The following YAP1 variants were observed in gnomAD, a reference collection of about 807,000 sequenced individuals.
The protein encoded by YAP1 is Yes1 associated transcriptional regulator.
In YAP1, 5 loss-of-function variants were observed where a neutral mutation model predicts 56.9. The observed-to-expected ratio is 0.09, with a 90% confidence interval of 0.05 to 0.18. The LOEUF is 0.18. Among genes scored for constraint, YAP1 ranks in the 10% least tolerant of loss-of-function variants. YAP1 has a pLI of 1.00. For missense variants in YAP1, 539 were observed against 651.8 expected (o/e 0.83, Z 1.88); for synonymous variants, 265 against 248.1 (o/e 1.07, Z -0.64).
chr11:102,125,938 A>C (rs957177502), intron 2 of YAP1, among the ~76,000 whole-genome samples: 4 of 152,012 alleles, frequency 2.6e-5, no homozygotes, highest in African/African-American at 7.3e-5. Context: ...TTTAGCAGCC[A>C]CTATCTCTAG....
At chr11:102,195,851 A>C (rs771859113) in intron 4 of YAP1, among the ~76,000 whole-genome samples, 1 of 152,210 alleles carries the variant, frequency 6.6e-6, no homozygotes, top group Non-Finnish European at 1.5e-5. Context: ...AATTGGTACC[A>C]GAAGTGGGGA....
Position 102,208,467 on chromosome 11 carries a change from T to A in YAP1, c.985-1050T>A, listed in dbSNP as rs114595541. Among the ~76,000 whole-genome samples the A allele has an allele frequency of 7.9e-3, 1,197 of 152,276 alleles. 20 individuals are homozygous for A. Among genetic ancestry groups the A allele is most frequent in the African/African-American group, 0.027 (1,129 of 41,544 alleles). On this transcript the variant is annotated intron_variant, in intron 5 of 8. Transcript: ENST00000282441. ...TTTCCTTTTGGCCCCTATAAAGTGA[T>A]CTTGAAAGAAATGTTTCTTTATCTG...
intron 2 of YAP1, among the ~76,000 whole-genome samples, chr11:102,150,819 T>TTTTTTTTTTG (rs1945600511): frequency 6.6e-6 from 1 of 150,474 alleles, no homozygotes; most frequent in Non-Finnish European, 1.5e-5. Flanking sequence ...TTTTTTTTTT[T>TTTTTTTTTTG]GGAGACAGTC....
intron 1 of YAP1, among the ~76,000 whole-genome samples, chr11:102,111,393 T>C (rs1021892916): frequency 1.3e-5 from 2 of 152,080 alleles, no homozygotes; most frequent in Non-Finnish European, 2.9e-5. Context: ...TTTTCCCTTC[T>C]GAGTTTCTCT....
intron 4 of YAP1, among the ~76,000 whole-genome samples, chr11:102,200,905 T>C (rs1212383051): frequency 6.6e-6 from 1 of 152,172 alleles, no homozygotes; most frequent in Non-Finnish European, 1.5e-5. Flanking sequence ...ATCTTTCAGA[T>C]GGGCAGAAAC....
chr11:102,139,958 G>C (rs1478891505), intron 2 of YAP1, among the ~76,000 whole-genome samples: 1 of 152,028 alleles, frequency 6.6e-6, no homozygotes, highest in African/African-American at 2.4e-5. Context: ...TCTGAATTTG[G>C]CTGGAAAATT....
chr11:102,123,302 A>G (rs1329516700), intron 2 of YAP1, among the ~76,000 whole-genome samples: 1 of 152,072 alleles, frequency 6.6e-6, no homozygotes, highest in Non-Finnish European at 1.5e-5. Flanking sequence ...CCTTGGAGCT[A>G]TCCTTAGAGT....
intron 2 of YAP1, among the ~76,000 whole-genome samples, chr11:102,114,644 T>C (rs1943164099): frequency 6.6e-6 from 1 of 152,184 alleles, no homozygotes; most frequent in African/African-American, 2.4e-5. Flanking sequence ...TCTTTTCTTT[T>C]GTGGAAGTTT....
At chr11:102,139,774 C>T (rs543381554) in intron 2 of YAP1, among the ~76,000 whole-genome samples, 2 of 152,060 alleles carry the variant, frequency 1.3e-5, no homozygotes, top group Non-Finnish European at 2.9e-5. Context: ...TCCTGTAGAC[C>T]TGGAATCTGT....
intron 3 of YAP1, among the ~76,000 whole-genome samples, chr11:102,182,711 T>C (rs1947700484): frequency 6.6e-6 from 1 of 152,232 alleles, no homozygotes; most frequent in Non-Finnish European, 1.5e-5. Flanking sequence ...TGAAAAGTTA[T>C]TTAAAGGTGA....
rs1949217019 is a variant in YAP1 at position 102,208,133 on chromosome 11, T to C, written c.985-1384T>C. Among the ~76,000 whole-genome samples the C allele has an allele frequency of 2.0e-5, 3 of 152,210 alleles. No homozygotes were observed. In the South Asian group the frequency reaches 6.2e-4, roughly 32 times the overall value. ...CAGAGGAACTTTGCCCAGACTATTG[T>C]CTGTTCTCAGATCCCATTCAGTTTC... On this transcript the variant is annotated intron_variant, in intron 5 of 8. Transcript: ENST00000282441.
chr11:102,152,551 G>A (rs1039505793), intron 2 of YAP1, among the ~76,000 whole-genome samples: 11 of 152,132 alleles, frequency 7.2e-5, no homozygotes, highest in African/African-American at 2.7e-4. Context: ...ATTTCTTTGT[G>A]TATAAAATGA....
intron 4 of YAP1, among the ~76,000 whole-genome samples, chr11:102,194,111 A>G (rs888484897): frequency 2.6e-5 from 4 of 152,172 alleles, no homozygotes; most frequent in African/African-American, 7.2e-5. Context: ...AGCCTTTTAC[A>G]TAGTTTTTTA....
chr11:102,171,395 A>G (rs1946890244), intron 3 of YAP1, among the ~76,000 whole-genome samples: 1 of 152,234 alleles, frequency 6.6e-6, no homozygotes, highest in South Asian at 2.1e-4. Context: ...AAATCTTGCA[A>G]CAGTACTCAC....
chr11:102,208,908 C>A (rs1949255435), intron 5 of YAP1, among the ~76,000 whole-genome samples: 1 of 152,138 alleles, frequency 6.6e-6, no homozygotes, highest in African/African-American at 2.4e-5. Flanking sequence ...GCAAATGCTG[C>A]TATTTGTAAA....
Position 102,202,459 on chromosome 11 carries a change from G to T in YAP1, c.803-3434G>T, listed in dbSNP as rs1436575742. ...CTCCCCAAGTGCTGGGATTACAGGC[G>T]TGAGCCACTGCACCTGGCCGATTTT... On this transcript the variant is annotated intron_variant, in intron 4 of 8. Transcript: ENST00000282441. Among the ~76,000 whole-genome samples, 3 of 151,188 alleles carry T rather than the reference G, an allele frequency of 2.0e-5. No individual in the cohort carries two copies. In the East Asian group the frequency reaches 5.8e-4, roughly 29 times the overall value.
intron 2 of YAP1, among the ~76,000 whole-genome samples, chr11:102,155,795 A>G (rs537183880): frequency 6.6e-6 from 1 of 152,354 alleles, no homozygotes; most frequent in Admixed American, 6.5e-5. Context: ...CCATAAATAT[A>G]CAGTGAATGT....
chr11:102,210,525 CTTT>C (rs745914027), intron 6 of YAP1, among the ~76,000 whole-genome samples: 4 of 152,126 alleles, frequency 2.6e-5, no homozygotes, highest in Admixed American at 6.5e-5. Flanking sequence ...CTCTATTCTT[CTTT>C]ATCTATCTCA....
At chr11:102,139,303 C>T (rs763252099) in intron 2 of YAP1, among the ~76,000 whole-genome samples, 2 of 151,510 alleles carry the variant, frequency 1.3e-5, no homozygotes, top group Non-Finnish European at 2.9e-5. Context: ...AGAGGCTTTG[C>T]GAGAAAAAAG....
Sources: allele counts gnomAD v4.1 joint callset (sites outside exome capture counted in the v4.1 genomes callset), GRCh38; gene constraint gnomAD v4.1.1; transcripts MANE v1.5; gene names NCBI Gene and HGNC (gene_info 2026-07-23, HGNC 2026-07-21).